ERICH5: variants seen among roughly 807,000 people sequenced by gnomAD.
ERICH5 encodes glutamate rich 5, also known as glutamate-rich protein 5.
A neutral mutation model predicts 28.0 loss-of-function variants in ERICH5; 24 were observed. That is an observed-to-expected ratio of 0.86 (90% CI 0.62 to 1.21). The LOEUF is 1.21. Among genes scored for constraint, ERICH5 ranks in the 50% most tolerant of loss-of-function variants. The pLI, the probability that ERICH5 is intolerant of heterozygous loss-of-function variation, is 0.00. For synonymous variants in ERICH5, 163 were observed against 157.6 expected (o/e 1.03, Z -0.25); for missense variants, 421 against 441.2 (o/e 0.95, Z 0.41).
At chr8:98,090,560 C>T (rs2130535219) in intron 2 of ERICH5, among the ~76,000 whole-genome samples, 1 of 147,152 alleles carries the variant, frequency 6.8e-6, no homozygotes, top group Non-Finnish European at 1.5e-5. Context: ...CCCAGCAGTT[C>T]ATGACCTGCC....
chr8:98,091,881 T>C (rs1815398781), intron 2 of ERICH5, among the ~76,000 whole-genome samples: 1 of 93,888 alleles, frequency 1.1e-5, no homozygotes, highest in Non-Finnish European at 2.2e-5. Flanking sequence ...TCTTTCTTTC[T>C]TTCTTTCTTT....
chr8:98,085,071 A>C (rs770106409), intron 1 of ERICH5, among the ~76,000 whole-genome samples: 73 of 147,388 alleles, frequency 5.0e-4, no homozygotes, highest in Non-Finnish European at 5.0e-4. Context: ...ATGTTGTTGC[A>C]CTTATCAATT....
At chr8:98,091,908 T>TC (rs1815406496) in intron 2 of ERICH5, among the ~76,000 whole-genome samples, 16 of 93,086 alleles carry the variant, frequency 1.7e-4, no homozygotes, top group African/African-American at 4.4e-4. Flanking sequence ...TTCCTTTCTT[T>TC]CTTTCTTTCT....
At chr8:98,087,969 CCTA>C (rs1260951255) in intron 1 of ERICH5, among the ~76,000 whole-genome samples, 9 of 152,042 alleles carry the variant, frequency 5.9e-5, no homozygotes, top group Admixed American at 4.6e-4. Flanking sequence ...GCCTATAAAT[CCTA>C]GGACTTTGGG....
chr8:98,091,836 T>TTTTTTC (rs1815390365), intron 2 of ERICH5, among the ~76,000 whole-genome samples: 5 of 107,302 alleles, frequency 4.7e-5, no homozygotes, highest in East Asian at 2.8e-4. Context: ...TTCTTTTTCT[T>TTTTTTC]TTTCTTTCTT....
intron 2 of ERICH5, among the ~76,000 whole-genome samples, chr8:98,091,897 TTTCC>T (rs1554621692): frequency 2.9e-4 from 13 of 45,452 alleles, no homozygotes; most frequent in Non-Finnish European, 3.3e-4. Flanking sequence ...TCTTTCTTTC[TTTCC>T]TTTCTTTCTT....
chr8:98,084,646 G>C (rs1815240204), intron 1 of ERICH5, among the ~76,000 whole-genome samples: 1 of 152,176 alleles, frequency 6.6e-6, no homozygotes, highest in South Asian at 2.1e-4. Flanking sequence ...CTCCCAAAGT[G>C]CTGGGATTAC....
At chr8:98,080,841 T>C (rs1384711378) in intron 1 of ERICH5, among the ~76,000 whole-genome samples, 2 of 151,980 alleles carry the variant, frequency 1.3e-5, no homozygotes, top group Non-Finnish European at 1.5e-5. Context: ...TAGCTGAGAT[T>C]ACAGGCACTC....
intron 1 of ERICH5, among the ~76,000 whole-genome samples, chr8:98,081,189 TGAA>T (rs1815178408): frequency 6.6e-6 from 1 of 152,132 alleles, no homozygotes; most frequent in Admixed American, 6.5e-5. Flanking sequence ...CACTGTGATC[TGAA>T]CCTCCTGGGC....
At chr8:98,065,889 G>A (rs1814811672) in intron 1 of ERICH5, among the ~76,000 whole-genome samples, 1 of 152,172 alleles carries the variant, frequency 6.6e-6, no homozygotes, top group Admixed American at 6.5e-5. Context: ...CAGACGGTGA[G>A]GAATGCTTTT....
At chr8:98,078,463 G>A (rs937791061) in intron 1 of ERICH5, among the ~76,000 whole-genome samples, 1 of 152,146 alleles carries the variant, frequency 6.6e-6, no homozygotes, top group Non-Finnish European at 1.5e-5. Flanking sequence ...GGCCAGTGAA[G>A]TCTTTAGGAT....
intron 1 of ERICH5, among the ~76,000 whole-genome samples, chr8:98,075,785 CTTTTT>C (rs1296283210): frequency 1.2e-5 from 1 of 81,642 alleles, no homozygotes. Flanking sequence ...GCACACCTGC[CTTTTT>C]TTTTTTTTTT....
At chr8:98,069,215 T>C (rs921710906) in intron 1 of ERICH5, among the ~76,000 whole-genome samples, 4 of 152,188 alleles carry the variant, frequency 2.6e-5, no homozygotes, top group African/African-American at 9.7e-5. Flanking sequence ...GTGATAGGCC[T>C]GGCGATTGCA....
chr8:98,089,651 G>A lies in ERICH5; in HGVS notation c.634G>A (p.Asp212Asn). The A allele has an allele frequency of 6.2e-7, 1 of 1,614,092 alleles. No individual in the cohort carries two copies. The highest frequency in any genetic ancestry group is 1.3e-5 in the African/African-American group (1 of 75,056). ...ELQPQGTVGK[D>N]EQAPLLETIS... ...ACAACCTCAGGGCACAGTGGGAAAGGATGAGCAGGCCCCGCTTCTAGAAAC... is the reference window on the plus strand; with the variant it reads ...ACAACCTCAGGGCACAGTGGGAAAGAATGAGCAGGCCCCGCTTCTAGAAAC... Residue 212 changes from aspartate to asparagine, a missense_variant, in exon 2 of 3, where the codon GAT becomes AAT. By Grantham distance (23) the Asp-to-Asn change is conservative (BLOSUM62 1). Transcript: ENST00000318528.
At chr8:98,083,169 G>A (rs1815213291) in intron 1 of ERICH5, among the ~76,000 whole-genome samples, 1 of 152,128 alleles carries the variant, frequency 6.6e-6, no homozygotes, top group Admixed American at 6.5e-5. Context: ...GATTGGCACA[G>A]GTGGATGAAA....
At chr8:98,084,801 C>G (rs1310578947) in intron 1 of ERICH5, among the ~76,000 whole-genome samples, 1 of 152,016 alleles carries the variant, frequency 6.6e-6, no homozygotes, top group Non-Finnish European at 1.5e-5. Context: ...AATTCACTTA[C>G]AATAAACTGT....
intron 2 of ERICH5, among the ~76,000 whole-genome samples, chr8:98,091,949 C>CTTCCTTTCTTTCT (rs1554621752): frequency 9.8e-6 from 1 of 101,972 alleles, no homozygotes; most frequent in Non-Finnish European, 1.9e-5. Flanking sequence ...TTCTTTCTTT[C>CTTCCTTTCTTTCT]TTCTTTCTTT....
intron 2 of ERICH5, among the ~76,000 whole-genome samples, chr8:98,092,906 G>C (rs1306350837): frequency 6.6e-6 from 1 of 151,708 alleles, no homozygotes; most frequent in Non-Finnish European, 1.5e-5. Flanking sequence ...CCCCCGAGTA[G>C]CTGGGATTAC....
intron 1 of ERICH5, among the ~76,000 whole-genome samples, chr8:98,079,135 C>T (rs1384507299): frequency 2.7e-5 from 4 of 149,872 alleles, no homozygotes; most frequent in Admixed American, 6.7e-5. Context: ...CCTAGGATAC[C>T]AGGGACCACA....
Sources: allele counts gnomAD v4.1 joint callset (sites outside exome capture counted in the v4.1 genomes callset), GRCh38; gene constraint gnomAD v4.1.1; transcripts MANE v1.5; gene names NCBI Gene and HGNC (gene_info 2026-07-23, HGNC 2026-07-21).